TMEM132D: variants seen among roughly 807,000 people sequenced by gnomAD.
TMEM132D encodes mature OL transmembrane protein.
In TMEM132D, 21 loss-of-function variants were observed where a neutral mutation model predicts 62.3. The observed-to-expected ratio is 0.34, with a 90% confidence interval of 0.24 to 0.49. The LOEUF (loss-of-function observed/expected upper bound fraction) is 0.49. Ranked by LOEUF, TMEM132D falls within the 20% of genes least tolerant of loss-of-function variation. The pLI is 0.99. For synonymous variants in TMEM132D, 621 were observed against 575.6 expected (o/e 1.08, Z -1.13); for missense variants, 1,346 against 1,402.8 (o/e 0.96, Z 0.65).
In TMEM132D at chr12:129,244,470, C is replaced by A. The variant is rs143140791; in HGVS notation, c.1300-34807G>T. Among the ~76,000 whole-genome samples the A allele has an allele frequency of 7.6e-3, 1,105 of 146,032 alleles. 15 individuals are homozygous for A. The highest frequency in any genetic ancestry group is 0.027 in the African/African-American group (1,054 of 39,604). On this transcript the variant is annotated intron_variant, in intron 4 of 8. Coordinates refer to ENST00000422113, the MANE Select transcript of TMEM132D (RefSeq NM_133448.3). Reference sequence around the variant, plus strand: ...TCATTCAGCAAACTTCTTGCTCCTACGGTGCATAGACAATGCTTACGCTAT... The same window carrying A: ...TCATTCAGCAAACTTCTTGCTCCTAAGGTGCATAGACAATGCTTACGCTAT...
chr12:129,250,589 C>T (rs1880239327), intron 4 of TMEM132D, among the ~76,000 whole-genome samples: 2 of 152,192 alleles, frequency 1.3e-5, no homozygotes, highest in South Asian at 4.1e-4. Flanking sequence ...CTTCAACTGT[C>T]CTTCCTCTTA....
At chr12:129,422,977 G>A (rs1872374737) in intron 3 of TMEM132D, among the ~76,000 whole-genome samples, 1 of 151,678 alleles carries the variant, frequency 6.6e-6, no homozygotes, top group African/African-American at 2.4e-5. Context: ...GTAAGCCACA[G>A]TGGAACAACA....
intron 1 of TMEM132D, among the ~76,000 whole-genome samples, chr12:129,812,498 C>T (rs924477924): frequency 1.3e-5 from 2 of 151,802 alleles, no homozygotes; most frequent in Admixed American, 6.6e-5. Context: ...CTCTAAGAAT[C>T]GTCTCCAGAA....
At chr12:129,767,607 T>A (rs910245966) in intron 1 of TMEM132D, among the ~76,000 whole-genome samples, 1 of 152,244 alleles carries the variant, frequency 6.6e-6, no homozygotes, top group African/African-American at 2.4e-5. Flanking sequence ...TGTCTTGTCA[T>A]GAATGGCTTT....
At chr12:129,296,394 C>G (rs1881576911) in intron 4 of TMEM132D, among the ~76,000 whole-genome samples, 1 of 152,202 alleles carries the variant, frequency 6.6e-6, no homozygotes, top group South Asian at 2.1e-4. Context: ...TTCACTGCAA[C>G]AGAGTTATCA....
chr12:129,867,874 G>T lies in TMEM132D; in HGVS notation c.79+35387C>A, dbSNP rs1169102458. ...ATGGGTTGGGGTTGCTGGAAAAGGAGCAGAAGAAACTTCTAGGGCAATGGA... is the reference window on the plus strand; with the variant it reads ...ATGGGTTGGGGTTGCTGGAAAAGGATCAGAAGAAACTTCTAGGGCAATGGA... On this transcript the variant is annotated intron_variant, in intron 1 of 8. Coordinates refer to ENST00000422113, the MANE Select transcript of TMEM132D (RefSeq NM_133448.3). The surrounding 1 kb of genome is among the most constrained non-coding windows in gnomAD (Gnocchi z 4.5). Among the ~76,000 whole-genome samples, 1 of 152,220 alleles carries T rather than the reference G, an allele frequency of 6.6e-6. No individual in the cohort carries two copies. The highest frequency in any genetic ancestry group is 1.5e-5 in the Non-Finnish European group (1 of 68,036).
At chr12:129,625,122 C>A (rs552950326) in intron 2 of TMEM132D, among the ~76,000 whole-genome samples, 1 of 152,194 alleles carries the variant, frequency 6.6e-6, no homozygotes, top group Admixed American at 6.5e-5. Flanking sequence ...ATTCCTCATC[C>A]GTTCAGTCTC....
intron 1 of TMEM132D, among the ~76,000 whole-genome samples, chr12:129,758,016 C>T (rs1412830204): frequency 6.6e-6 from 1 of 152,176 alleles, no homozygotes; most frequent in Non-Finnish European, 1.5e-5. Context: ...GATTCTTCTG[C>T]CTCAGCCTCC....
intron 5 of TMEM132D, among the ~76,000 whole-genome samples, chr12:129,107,890 A>T (rs1176170355): frequency 6.7e-6 from 1 of 149,098 alleles, no homozygotes; most frequent in African/African-American, 2.5e-5. Context: ...ATGGAGTTTC[A>T]CCATGTTGCC....
intron 2 of TMEM132D, among the ~76,000 whole-genome samples, chr12:129,638,670 T>C (rs1879558477): frequency 6.6e-6 from 1 of 151,304 alleles, no homozygotes; most frequent in Non-Finnish European, 1.5e-5. Flanking sequence ...AATGGACCCA[T>C]GGAATTCTTT....
chr12:129,250,550 T>C (rs1478711070), intron 4 of TMEM132D, among the ~76,000 whole-genome samples: 2 of 152,190 alleles, frequency 1.3e-5, no homozygotes, highest in African/African-American at 4.8e-5. Flanking sequence ...AGAACACCCC[T>C]GTGCGTGGTG....
At chr12:129,509,831 G>T (rs1444061571) in intron 3 of TMEM132D, among the ~76,000 whole-genome samples, 1 of 152,052 alleles carries the variant, frequency 6.6e-6, no homozygotes, top group Non-Finnish European at 1.5e-5. Flanking sequence ...GTAGTACTCC[G>T]TTGTATATAT....
chr12:129,118,559 T>C (rs1875963795), intron 5 of TMEM132D, among the ~76,000 whole-genome samples: 1 of 152,236 alleles, frequency 6.6e-6, no homozygotes, highest in Admixed American at 6.5e-5. Flanking sequence ...CTACAATGCC[T>C]ACATTTAGTG....
intron 3 of TMEM132D, among the ~76,000 whole-genome samples, chr12:129,394,477 T>C (rs1443689370): frequency 1.3e-5 from 2 of 152,206 alleles, no homozygotes; most frequent in African/African-American, 4.8e-5. Context: ...AGGAAACAGC[T>C]ACACCTCTCC....
chr12:129,485,014 C>A (rs1236826699), intron 3 of TMEM132D, among the ~76,000 whole-genome samples: 3 of 152,192 alleles, frequency 2.0e-5, no homozygotes, highest in Non-Finnish European at 4.4e-5. Flanking sequence ...CTCCTTCTAG[C>A]CAACATTCCA....
chr12:129,419,951 C>G (rs772595196), intron 3 of TMEM132D, among the ~76,000 whole-genome samples: 62 of 152,232 alleles, frequency 4.1e-4, no homozygotes, highest in Middle Eastern at 6.8e-3. Flanking sequence ...AAAATATTCC[C>G]AGTTGACCAT....
chr12:129,429,073 A>AGTCCTTCAAGTTACTCACTGTAGTCCAAG (rs1872576481), intron 3 of TMEM132D, among the ~76,000 whole-genome samples: 1 of 150,642 alleles, frequency 6.6e-6, no homozygotes, highest in African/African-American at 2.5e-5. Context: ...TGTAGTCCAA[A>AGTCCTTCAAGTTACTCACTGTAGTCCAAG]ATCCTTCAAG....
intron 1 of TMEM132D, among the ~76,000 whole-genome samples, chr12:129,705,062 A>C (rs1881471222): frequency 2.0e-5 from 3 of 152,102 alleles, no homozygotes; most frequent in African/African-American, 7.2e-5. Flanking sequence ...TCATATGAGA[A>C]TGGGAGCTTT....
intron 1 of TMEM132D, among the ~76,000 whole-genome samples, chr12:129,829,248 C>T (rs989677719): frequency 1.3e-5 from 2 of 152,052 alleles, no homozygotes; most frequent in Non-Finnish European, 1.5e-5. Context: ...TTAGAATAAT[C>T]GTGGTTATTA....
Sources: gnomAD v4.1 joint callset for allele counts (sites outside exome capture counted in the v4.1 genomes callset) on GRCh38, gnomAD v4.1.1 for gene constraint, Gnocchi (gnomAD v3.1) non-coding constraint, MANE v1.5 for transcripts, NCBI Gene and HGNC (gene_info 2026-07-23, HGNC 2026-07-21) for gene names.